Variants in PIGH observed in about 807,000 individuals in gnomAD.
The protein encoded by PIGH is phosphatidylinositol glycan anchor biosynthesis class H, also known as phosphatidylinositol N-acetylglucosaminyltransferase subunit H.
In PIGH, 11 loss-of-function variants were observed where a neutral mutation model predicts 20.1. The observed-to-expected ratio is 0.55, with a 90% CI of 0.34 to 0.91. The LOEUF (loss-of-function observed/expected upper bound fraction) is 0.91, where lower values mean the gene tolerates loss of function less well. Among genes scored for constraint, PIGH ranks in the 40% least tolerant of loss-of-function variants. The pLI, the probability that PIGH is intolerant of heterozygous loss-of-function variation, is 0.02. For synonymous variants in PIGH, 72 were observed against 93.1 expected (o/e 0.77, Z 1.31); for missense variants, 189 against 233.6 (o/e 0.81, Z 1.24).
intron 1 of PIGH, 53 bp from the exon 2 acceptor site, chr14:67,594,005 C>A: frequency 8.1e-7 from 1 of 1,241,990 alleles, no homozygotes; most frequent in Non-Finnish European, 1.2e-6. Context: ...TACCAGTCAA[C>A]TCCAGGCAAT....
intron 1 of PIGH, among the ~76,000 whole-genome samples, chr14:67,595,037 T>C (rs2036446042): frequency 1.3e-5 from 2 of 151,650 alleles, no homozygotes; most frequent in Admixed American, 6.6e-5. Flanking sequence ...CTCGGGAGGC[T>C]GAGGCAGGAG....
chr14:67,592,753 T>A, intron 2 of PIGH, 35 bp from the exon 3 acceptor site: 2 of 1,232,384 alleles, frequency 1.6e-6, no homozygotes, highest in Non-Finnish European at 2.4e-6. Context: ...AAAGTCTAAG[T>A]GAAACTCATT....
At chr14:67,599,125 G>A (rs1173837028) in intron 1 of PIGH, among the ~76,000 whole-genome samples, 1 of 151,978 alleles carries the variant, frequency 6.6e-6, no homozygotes, top group Non-Finnish European at 1.5e-5. Flanking sequence ...CAGCAAAAAA[G>A]CGAATGGATG....
In PIGH at chr14:67,589,589, C is replaced by G; in HGVS notation, c.*491G>C. On this transcript the variant is annotated 3_prime_UTR_variant, in exon 4 of 4. Transcript: ENST00000216452. The stretch of plus-strand genomic sequence containing the variant: ...TAACAGTAAATAAATAAGCCCTGTA[C>G]AGAACACAGGCACTAGGTTGACAGA... The G allele has an allele frequency of 1.0e-6, 1 of 985,652 alleles. No homozygotes were observed. Among genetic ancestry groups the G allele is most frequent in the Middle Eastern group, 5.2e-4 (1 of 1,920 alleles). 61.1% of individuals were successfully genotyped at this position (985,652 alleles called of 1,614,324 possible).
At chr14:67,595,350 C>T (rs944928338) in intron 1 of PIGH, among the ~76,000 whole-genome samples, 2 of 152,040 alleles carry the variant, frequency 1.3e-5, no homozygotes, top group Non-Finnish European at 1.5e-5. Flanking sequence ...GTATTGTTTC[C>T]GCATCATCCT....
chr14:67,592,302 A>C, intron 3 of PIGH: 1 of 431,526 alleles, frequency 2.3e-6, no homozygotes, highest in South Asian at 1.9e-5. Flanking sequence ...TAGCCAGGCG[A>C]GATGGTGCAC....
rs368345036 is a variant in PIGH at position 67,594,585 on chromosome 14, G to A, written c.181-633C>T. ...TCGCTTGAACCTGGGAGGCGGAGGC[G>A]GAGGTTGCAGTGAGCCGAGATCGCA... On this transcript the variant is annotated intron_variant, in intron 1 of 3. Transcript: ENST00000216452. 8.2e-4 allele frequency among the ~76,000 whole-genome samples: 124 copies of A among 151,836 alleles called. 3 individuals carry two copies. The East Asian group carries it at 0.014, about 17-fold the overall frequency.
intron 1 of PIGH, among the ~76,000 whole-genome samples, chr14:67,599,814 T>C (rs1401213676): frequency 6.6e-6 from 1 of 152,216 alleles, no homozygotes; most frequent in East Asian, 1.9e-4. Context: ...AAGGGGAATG[T>C]ACTATCCAGG....
At chr14:67,591,065 AATAT>A (rs1350665192) in intron 3 of PIGH, among the ~76,000 whole-genome samples, 2 of 152,182 alleles carry the variant, frequency 1.3e-5, no homozygotes, top group Non-Finnish European at 2.9e-5. Context: ...CACTACCTAA[AATAT>A]ATAAAGAATT....
intron 3 of PIGH, 56 bp from the exon 4 acceptor site, chr14:67,590,228 T>C: frequency 7.4e-7 from 1 of 1,348,708 alleles, no homozygotes; most frequent in South Asian, 1.5e-5. Context: ...GGGAGTGCAG[T>C]GGTGCTGCAT....
At chr14:67,592,554 A>C (rs903934078) in intron 3 of PIGH, 81 bp downstream of exon 3, 78 of 849,816 alleles carry the variant, frequency 9.2e-5, no homozygotes, top group Non-Finnish European at 1.3e-4. Context: ...GTATCTTCCA[A>C]TACTCTGACA....
chr14:67,591,329 A>G (rs2036363744), intron 3 of PIGH, among the ~76,000 whole-genome samples: 1 of 152,232 alleles, frequency 6.6e-6, no homozygotes, highest in African/African-American at 2.4e-5. Context: ...AAAGTTGTCC[A>G]ATCTCTGGAG....
chr14:67,594,223 C>A (rs1175432951), intron 1 of PIGH, among the ~76,000 whole-genome samples: 1 of 152,174 alleles, frequency 6.6e-6, no homozygotes, highest in Non-Finnish European at 1.5e-5. Context: ...GTAGCTTGCA[C>A]CTGTAATTCC....
At chr14:67,592,586 GA>G in intron 3 of PIGH, 48 bp downstream of exon 3, 1 of 1,100,260 alleles carries the variant, frequency 9.1e-7, no homozygotes, top group Non-Finnish European at 1.4e-6. Context: ...CATTCCTAAT[GA>G]AAAGGTTGAG....
chr14:67,593,362 A>G (rs2036411370), intron 2 of PIGH: 1 of 237,156 alleles, frequency 4.2e-6, no homozygotes, highest in Non-Finnish European at 8.3e-6. Context: ...ATGGTGGTGC[A>G]TGCCTGTAGT....
chr14:67,599,889 C>T lies in PIGH; in HGVS notation c.180+135G>A, dbSNP rs2036544001. ...GCAGCGGAATATCGTCCCCAGAACCCGTGAGTTCCCGCCCTCCTGTCCTAT... is the reference window on the plus strand; with the variant it reads ...GCAGCGGAATATCGTCCCCAGAACCTGTGAGTTCCCGCCCTCCTGTCCTAT... On this transcript the variant is annotated intron_variant, in intron 1 of 3. Transcript: ENST00000216452. 1.3e-5 allele frequency: 9 copies of T among 669,380 alleles called. No homozygotes were observed. The South Asian group carries it at 1.4e-4, about 11-fold the overall frequency. 41.5% of individuals were successfully genotyped at this position (669,380 alleles called of 1,614,324 possible). A position where few individuals can be genotyped will look rare whatever the true frequency, so the allele number is the denominator to read the frequency against.
chr14:67,591,112 T>C (rs563402425), intron 3 of PIGH, among the ~76,000 whole-genome samples: 70 of 152,228 alleles, frequency 4.6e-4, no homozygotes, highest in African/African-American at 1.7e-3. Flanking sequence ...TACAAATACA[T>C]AATATTCAGA....
At chr14:67,597,392 C>A (rs895946246) in intron 1 of PIGH, among the ~76,000 whole-genome samples, 2 of 151,998 alleles carry the variant, frequency 1.3e-5, no homozygotes, top group African/African-American at 4.8e-5. Flanking sequence ...ATAAGAGGAT[C>A]GCTTGAGTCC....
At chr14:67,592,502 C>G (rs1043780158) in intron 3 of PIGH, 133 bp downstream of exon 3, 4 of 602,652 alleles carry the variant, frequency 6.6e-6, no homozygotes, top group Non-Finnish European at 1.2e-5. Flanking sequence ...AGGAACTTCT[C>G]AAATAACTGA....
Sources: gnomAD v4.1 joint callset for allele counts (sites outside exome capture counted in the v4.1 genomes callset) on GRCh38, gnomAD v4.1.1 for gene constraint, MANE v1.5 for transcripts, NCBI Gene and HGNC (gene_info 2026-07-23, HGNC 2026-07-21) for gene names.